Variants in MALRD1 observed in about 807,000 individuals in gnomAD.
The protein encoded by MALRD1 is MAM and LDL receptor class A domain containing 1.
Under a neutral mutation model 242.1 loss-of-function variants are expected in MALRD1, and 247 were observed. That is an observed-to-expected ratio of 1.02 (90% confidence interval 0.92 to 1.13). The LOEUF (loss-of-function observed/expected upper bound fraction) is 1.13, where lower values mean the gene tolerates loss of function less well. MALRD1 is among the 50% of genes most tolerant of loss of function. MALRD1 has a pLI of 0.00. For missense variants in MALRD1, 2,989 were observed against 2,533.1 expected (o/e 1.18, Z -3.86); for synonymous variants, 995 against 866.6 (o/e 1.15, Z -2.60).
intron 36 of MALRD1, among the ~76,000 whole-genome samples, chr10:19,653,674 G>A (rs952803689): frequency 6.9e-6 from 1 of 144,272 alleles, no homozygotes. Context: ...GGCAATGTCC[G>A]AATAGTCTAT....
rs1033932716 is a variant in MALRD1 at position 19,252,936 on chromosome 10, G to T, written c.2992-4748G>T. Among the ~76,000 whole-genome samples, 33 of 151,954 alleles carry T rather than the reference G, an allele frequency of 2.2e-4. 1 individual carries two copies. Among genetic ancestry groups the T allele is most frequent in the Admixed American group, 5.9e-4 (9 of 15,218 alleles). Reference sequence around the variant, plus strand: ...CCTTTTATATTGTATCCAGCAAATAGTTCCCTCAGTATTGGCCTAAAAAGT... The same window carrying T: ...CCTTTTATATTGTATCCAGCAAATATTTCCCTCAGTATTGGCCTAAAAAGT... On this transcript the variant is annotated intron_variant, in intron 18 of 39. Transcript: ENST00000454679.
intron 19 of MALRD1, among the ~76,000 whole-genome samples, chr10:19,261,678 C>T (rs1839757308): frequency 1.3e-5 from 2 of 151,770 alleles, no homozygotes; most frequent in African/African-American, 2.4e-5. Context: ...GACCTAATCC[C>T]CAAGATGTGG....
chr10:19,393,469 C>G (rs1207365327), intron 28 of MALRD1, among the ~76,000 whole-genome samples: 32 of 137,104 alleles, frequency 2.3e-4, no homozygotes, highest in African/African-American at 7.7e-4. Flanking sequence ...TTTTTGAGAC[C>G]GAGTCTCGCT....
At chr10:19,075,292 A>C (rs1402712403) in intron 2 of MALRD1, among the ~76,000 whole-genome samples, 2 of 152,048 alleles carry the variant, frequency 1.3e-5, no homozygotes, top group Admixed American at 1.3e-4. Context: ...TAATCTGGCC[A>C]CAGCTATGAA....
chr10:19,066,140 A>G (rs1299331499), intron 1 of MALRD1, among the ~76,000 whole-genome samples: 2 of 152,194 alleles, frequency 1.3e-5, no homozygotes, highest in African/African-American at 4.8e-5. Context: ...AATTTACAAT[A>G]CCTCAGACAA....
At chr10:19,622,955 TG>T (rs1342975732) in intron 36 of MALRD1, among the ~76,000 whole-genome samples, 1 of 152,000 alleles carries the variant, frequency 6.6e-6, no homozygotes, top group Non-Finnish European at 1.5e-5. Flanking sequence ...AGTAAGTATT[TG>T]GAAAAGGGTA....
intron 1 of MALRD1, among the ~76,000 whole-genome samples, chr10:19,059,481 G>A (rs1215977625): frequency 1.3e-5 from 2 of 151,898 alleles, no homozygotes; most frequent in East Asian, 1.9e-4. Flanking sequence ...TCTGCCTCCC[G>A]GTTCAAGCGA....
chr10:19,070,696 C>G (rs1835117477), intron 2 of MALRD1, among the ~76,000 whole-genome samples: 1 of 151,782 alleles, frequency 6.6e-6, no homozygotes, highest in Admixed American at 6.6e-5. Flanking sequence ...ATTATGTTGT[C>G]CTAGTTCTTT....
intron 33 of MALRD1, among the ~76,000 whole-genome samples, chr10:19,579,364 A>G (rs1441770760): frequency 6.6e-6 from 1 of 152,184 alleles, no homozygotes; most frequent in Non-Finnish European, 1.5e-5. Flanking sequence ...TGCATGTGAA[A>G]TTTGACACTT....
At chr10:19,547,569 C>T (rs1451803418) in intron 32 of MALRD1, among the ~76,000 whole-genome samples, 1 of 151,384 alleles carries the variant, frequency 6.6e-6, no homozygotes, top group Non-Finnish European at 1.5e-5. Context: ...CCCCAGTTAC[C>T]ACTCTCATTA....
intron 18 of MALRD1, among the ~76,000 whole-genome samples, chr10:19,247,398 C>G (rs929680426): frequency 1.3e-5 from 2 of 151,906 alleles, no homozygotes; most frequent in African/African-American, 4.8e-5. Flanking sequence ...GCAAGGGCTT[C>G]TGAAGGTATA....
At chr10:19,058,725 C>CA (rs1443840750) in intron 1 of MALRD1, among the ~76,000 whole-genome samples, 2 of 151,944 alleles carry the variant, frequency 1.3e-5, no homozygotes, top group Admixed American at 6.6e-5. Context: ...GAAAACAACT[C>CA]AAACACACAA....
chr10:19,469,604 C>A lies in MALRD1; in HGVS notation c.5029+19114C>A, dbSNP rs113699570. Among the ~76,000 whole-genome samples the A allele has an allele frequency of 4.3e-3, 661 of 152,030 alleles. 5 individuals are homozygous for A. The highest frequency in any genetic ancestry group is 7.1e-3 in the Non-Finnish European group (482 of 67,892). On this transcript the variant is annotated intron_variant, in intron 29 of 39. Transcript: ENST00000454679. ...AATTCCATTTTGTTTCTAATTTTTG[C>A]TTTTATGGAAGTAAGTAATAAGAAA...
chr10:19,113,586 C>G (rs115976012), intron 5 of MALRD1, among the ~76,000 whole-genome samples: 3,591 of 151,664 alleles, frequency 0.024, 132 homozygotes, highest in African/African-American at 0.083. Context: ...CCTTCTTCCT[C>G]TCCTTTCCTT....
intron 18 of MALRD1, among the ~76,000 whole-genome samples, chr10:19,215,959 C>T (rs1837294928): frequency 6.6e-6 from 1 of 151,550 alleles, no homozygotes; most frequent in Non-Finnish European, 1.5e-5. Context: ...CTCATGTATC[C>T]ACAGGTAGAG....
chr10:19,389,562 T>C lies in MALRD1; in HGVS notation c.4798T>C (p.Tyr1600His). The C allele has an allele frequency of 1.3e-6, 2 of 1,550,740 alleles. No individual in the cohort carries two copies. Among genetic ancestry groups the C allele is most frequent in the Non-Finnish European group, 8.7e-7 (1 of 1,146,956 alleles). The change falls in exon 28 of 40, where the codon TAT (tyrosine) becomes CAT (histidine). Residue 1600 changes from tyrosine (Y) to histidine (H), a missense_variant. By Grantham distance (83) the Tyr-to-His change is moderately conservative (BLOSUM62 2). Coordinates refer to ENST00000454679, the MANE Select transcript of MALRD1 (RefSeq NM_001142308.3). ...SSAACTMSFWYFVSAKATGSI... is the reference protein window; with the variant it reads ...SSAACTMSFWHFVSAKATGSI... The stretch of plus-strand genomic sequence containing the variant: ...TGCAGCCTGCACCATGAGCTTCTGG[T>C]ATTTCGTATCTGCAAAGGCCACAGG...
intron 36 of MALRD1, among the ~76,000 whole-genome samples, chr10:19,644,329 G>T (rs1394066747): frequency 1.3e-5 from 2 of 152,150 alleles, no homozygotes; most frequent in East Asian, 3.9e-4. Context: ...TTAGATACCT[G>T]ATCTGGTGAG....
intron 36 of MALRD1, among the ~76,000 whole-genome samples, chr10:19,670,376 G>A (rs1841863095): frequency 1.3e-5 from 2 of 152,062 alleles, no homozygotes; most frequent in Non-Finnish European, 2.9e-5. Context: ...CCTCAGAAAA[G>A]ACCCTTTGCC....
At chr10:19,261,426 A>G (rs137932773) in intron 19 of MALRD1, among the ~76,000 whole-genome samples, 1,878 of 151,698 alleles carry the variant, frequency 0.012, 32 homozygotes, top group African/African-American at 0.043. Context: ...ATGAAACAAA[A>G]ATAAAAATTG....
Sources: gnomAD v4.1 joint callset for allele counts (sites outside exome capture counted in the v4.1 genomes callset) on GRCh38, gnomAD v4.1.1 for gene constraint, MANE v1.5 for transcripts, NCBI Gene and HGNC (gene_info 2026-07-23, HGNC 2026-07-21) for gene names.